Variants in IGFBP7 observed in about 807,000 individuals in gnomAD.
The protein encoded by IGFBP7 is insulin like growth factor binding protein 7, also known as insulin-like growth factor-binding protein 7.
A neutral mutation model predicts 29.4 loss-of-function variants in IGFBP7; 31 were observed. The ratio of observed to expected loss-of-function variants is 1.05; its 90% confidence interval spans 0.79 to 1.42. IGFBP7 has a LOEUF of 1.42. IGFBP7 is among the 40% of genes most tolerant of loss of function. The pLI is 0.00. For synonymous variants in IGFBP7, 172 were observed against 174.9 expected, an observed-to-expected ratio of 0.98 and a Z score of 0.13; for missense variants, 393 against 395.5, an observed-to-expected ratio of 0.99 and a Z score of 0.05.
intron 1 of IGFBP7, among the ~76,000 whole-genome samples, chr4:57,074,081 GAC>G (rs1725135790): frequency 6.6e-6 from 1 of 150,634 alleles, no homozygotes; most frequent in Non-Finnish European, 1.5e-5. Flanking sequence ...TTTCTTTTGA[GAC>G]ACAGTCTCGC....
At chr4:57,043,303 G>A (rs1353376696) in intron 1 of IGFBP7, among the ~76,000 whole-genome samples, 2 of 152,178 alleles carry the variant, frequency 1.3e-5, no homozygotes, top group African/African-American at 4.8e-5. Context: ...TTTCTTGAAT[G>A]AATAAATTAA....
intron 1 of IGFBP7, chr4:57,072,869 G>A: frequency 1.5e-6 from 1 of 647,638 alleles, no homozygotes; most frequent in Admixed American, 1.8e-5. Context: ...CCCTTACAAT[G>A]TACCCATGGT....
At chr4:57,050,895 A>C (rs1724489143) in intron 1 of IGFBP7, among the ~76,000 whole-genome samples, 1 of 152,060 alleles carries the variant, frequency 6.6e-6, no homozygotes, top group South Asian at 2.1e-4. Context: ...AAGACATTTG[A>C]GTATGGGGAC....
At chr4:57,087,906 CTGTAATCCCAACATTTTGGG>C (rs6148454) in intron 1 of IGFBP7, among the ~76,000 whole-genome samples, 128,136 of 152,174 alleles carry the variant, frequency 0.84, 54,104 homozygotes, top group Middle Eastern at 0.92. Context: ...TGGCTTATGC[CTGTAATCCCAACATTTTGGG>C]AGGCTGAGGC....
At chr4:57,084,529 A>T (rs1725448320) in intron 1 of IGFBP7, among the ~76,000 whole-genome samples, 1 of 152,166 alleles carries the variant, frequency 6.6e-6, no homozygotes. Context: ...TTTCTTTAAG[A>T]TGCAATCATT....
At chr4:57,104,651 C>G (rs1047671373) in intron 1 of IGFBP7, among the ~76,000 whole-genome samples, 1 of 152,100 alleles carries the variant, frequency 6.6e-6, no homozygotes, top group Admixed American at 6.5e-5. Context: ...AAATGAGTAC[C>G]TGAAAATCAA....
chr4:57,040,781 A>T (rs763221625), intron 2 of IGFBP7, 43 bp downstream of exon 2: 25 of 1,313,878 alleles, frequency 1.9e-5, no homozygotes, highest in Non-Finnish European at 2.1e-5. Flanking sequence ...GTGCAAGAGA[A>T]GCTTGTCAGC....
intron 1 of IGFBP7, among the ~76,000 whole-genome samples, chr4:57,044,809 C>G (rs1724318617): frequency 6.6e-6 from 1 of 152,186 alleles, no homozygotes; most frequent in Non-Finnish European, 1.5e-5. Context: ...TCTAATATAT[C>G]TGTTCCCCCC....
chr4:57,107,321 C>T (rs1387299213), intron 1 of IGFBP7, among the ~76,000 whole-genome samples: 1 of 152,168 alleles, frequency 6.6e-6, no homozygotes, highest in African/African-American at 2.4e-5. Context: ...GCTGCCCCTA[C>T]CTGGCCCCTA....
At chr4:57,065,276 C>A (rs1438885792) in intron 1 of IGFBP7, among the ~76,000 whole-genome samples, 1 of 152,208 alleles carries the variant, frequency 6.6e-6, no homozygotes, top group Non-Finnish European at 1.5e-5. Context: ...TAAGCAAAAC[C>A]CATCTTCCTG....
chr4:57,084,788 G>GTTGTTTTTT (rs1553916467), intron 1 of IGFBP7, among the ~76,000 whole-genome samples: 1 of 113,104 alleles, frequency 8.8e-6, no homozygotes, highest in African/African-American at 3.4e-5. Context: ...TTTAAAAAAG[G>GTTGTTTTTT]TTTTTTTTTT....
intron 1 of IGFBP7, among the ~76,000 whole-genome samples, chr4:57,109,493 C>T (rs1035416040): frequency 1.3e-5 from 2 of 152,132 alleles, no homozygotes; most frequent in Non-Finnish European, 2.9e-5. Flanking sequence ...TCCTTTCCCC[C>T]ATCTCTTGAC....
intron 1 of IGFBP7, among the ~76,000 whole-genome samples, chr4:57,103,764 T>A (rs1725958508): frequency 6.9e-6 from 1 of 145,328 alleles, no homozygotes. Context: ...GCTCAAGTAA[T>A]CCTCCCGCCT....
intron 1 of IGFBP7, chr4:57,073,225 T>G: frequency 1.3e-6 from 1 of 757,684 alleles, no homozygotes; most frequent in South Asian, 1.9e-5. Context: ...CTCTGTATCT[T>G]GAGCTGTGGT....
chr4:57,054,431 G>A (rs1479905820), intron 1 of IGFBP7, among the ~76,000 whole-genome samples: 1 of 151,948 alleles, frequency 6.6e-6, no homozygotes, highest in Non-Finnish European at 1.5e-5. Flanking sequence ...TCAGGAGATC[G>A]AGACCATCCT....
At chr4:57,060,150 C>T (rs919562315) in intron 1 of IGFBP7, among the ~76,000 whole-genome samples, 2 of 152,136 alleles carry the variant, frequency 1.3e-5, no homozygotes, top group African/African-American at 4.8e-5. Flanking sequence ...ACTGGTCCTA[C>T]GATAGAAATA....
At chr4:57,052,828 G>T (rs192438728) in intron 1 of IGFBP7, among the ~76,000 whole-genome samples, 1 of 152,246 alleles carries the variant, frequency 6.6e-6, no homozygotes, top group Admixed American at 6.5e-5. Context: ...TTCGTAGGGA[G>T]CATGAAGTCT....
Position 57,031,219 on chromosome 4 carries a change from T to C in IGFBP7, c.*98A>G, listed in dbSNP as rs1462330488. On this transcript the variant is annotated 3_prime_UTR_variant, in exon 5 of 5. Transcript: ENST00000295666. The stretch of plus-strand genomic sequence containing the variant: ...AAAACCAGTGAATATAACTAAAGTG[T>C]TAGTGGATTGGATTAAAAGAAACTT... 5.1e-6 allele frequency: 5 copies of C among 985,978 alleles called. No homozygotes were observed. Among genetic ancestry groups the C allele is most frequent in the Non-Finnish European group, 8.0e-6 (5 of 621,988 alleles). The allele number at this position is 985,978 out of a possible 1,614,324, so 61.1% of individuals were successfully genotyped here. A position where few individuals can be genotyped will look rare whatever the true frequency, so the allele number is the denominator to read the frequency against.
chr4:57,070,080 C>T (rs976283975), intron 1 of IGFBP7, among the ~76,000 whole-genome samples: 4 of 152,032 alleles, frequency 2.6e-5, no homozygotes, highest in African/African-American at 9.6e-5. Flanking sequence ...GATCCTGTCT[C>T]AAAAAAACAA....
Sources: allele counts gnomAD v4.1 joint callset (sites outside exome capture counted in the v4.1 genomes callset), GRCh38; gene constraint gnomAD v4.1.1; transcripts MANE v1.5; gene names NCBI Gene and HGNC (gene_info 2026-07-23, HGNC 2026-07-21).